The following NOX3 variants were observed in gnomAD, a reference collection of about 807,000 sequenced individuals.
NOX3 encodes the protein NADPH oxidase 3, also known as NADPH oxidase catalytic subunit-like 3.
NOX3 carries 74 observed loss-of-function variants against 76.7 expected under a neutral mutation model. That is an observed-to-expected ratio of 0.96 (90% CI 0.80 to 1.17). The LOEUF is 1.17. Ranked by LOEUF, NOX3 falls within the 50% of genes most tolerant of loss-of-function variation. NOX3 has a pLI of 0.00. For missense variants in NOX3, 695 were observed against 703.3 expected (o/e 0.99, Z 0.13); for synonymous variants, 263 against 261.1 (o/e 1.01, Z -0.07).
intron 10 of NOX3, among the ~76,000 whole-genome samples, chr6:155,414,970 C>T (rs532525419): frequency 6.6e-6 from 1 of 152,200 alleles, no homozygotes; most frequent in Admixed American, 6.5e-5. Flanking sequence ...TTTTGGGAGA[C>T]CACTCTGGGA....
chr6:155,415,319 G>A (rs540536386), intron 10 of NOX3, among the ~76,000 whole-genome samples: 3 of 152,178 alleles, frequency 2.0e-5, no homozygotes, highest in African/African-American at 7.2e-5. Context: ...TGAGAGCTCA[G>A]ACTCTCTAAT....
At chr6:155,454,972 A>G in intron 2 of NOX3, 51 bp from the exon 3 acceptor site, 1 of 1,575,292 alleles carries the variant, frequency 6.3e-7, no homozygotes, top group Non-Finnish European at 8.7e-7. Context: ...ACAAGGATCC[A>G]GGGAAAATAA....
intron 10 of NOX3, among the ~76,000 whole-genome samples, chr6:155,413,036 C>T (rs945771013): frequency 1.3e-5 from 2 of 152,138 alleles, no homozygotes; most frequent in African/African-American, 2.4e-5. Context: ...TGTTTTTGGC[C>T]TCTTGTGTTC....
At chr6:155,447,259 A>T (rs1777077025) in intron 4 of NOX3, among the ~76,000 whole-genome samples, 1 of 151,138 alleles carries the variant, frequency 6.6e-6, no homozygotes, top group African/African-American at 2.4e-5. Flanking sequence ...CTGGTCTCAA[A>T]CTCCTGAGCT....
chr6:155,417,488 G>C (rs557376827), intron 10 of NOX3, among the ~76,000 whole-genome samples: 1 of 152,134 alleles, frequency 6.6e-6, no homozygotes, highest in South Asian at 2.1e-4. Context: ...GGTCACTTCC[G>C]CACAGAGCAA....
At chr6:155,452,759 TG>T (rs2114711659) in intron 4 of NOX3, among the ~76,000 whole-genome samples, 1 of 152,196 alleles carries the variant, frequency 6.6e-6, no homozygotes, top group East Asian at 1.9e-4. Context: ...TTTATTTCAA[TG>T]TCTTTGTTTT....
At chr6:155,411,756 A>T (rs1203864337) in intron 10 of NOX3, among the ~76,000 whole-genome samples, 1 of 152,146 alleles carries the variant, frequency 6.6e-6, no homozygotes, top group Non-Finnish European at 1.5e-5. Flanking sequence ...TAAGCTCTGG[A>T]TTTGAACTTT....
chr6:155,413,745 T>C (rs1002555991), intron 10 of NOX3, among the ~76,000 whole-genome samples: 2 of 152,198 alleles, frequency 1.3e-5, no homozygotes, highest in African/African-American at 4.8e-5. Context: ...CTGGCCTTGG[T>C]AGCCTGTTTC....
chr6:155,412,117 C>T (rs1323549449), intron 10 of NOX3, among the ~76,000 whole-genome samples: 1 of 152,116 alleles, frequency 6.6e-6, no homozygotes, highest in Non-Finnish European at 1.5e-5. Context: ...TTAATTCTCC[C>T]ATTTTTCTCA....
chr6:155,443,261 G>T lies in NOX3; in HGVS notation c.486+12C>A. ...TTTCAGGGGAGAAGCTTGTTAGCAT[G>T]CAGGAACTCACTGTGGGGAAGGTCC... On this transcript the variant is annotated intron_variant, in intron 5 of 13. Transcript: ENST00000159060. 2 of 1,610,112 alleles carry T rather than the reference G, an allele frequency of 1.2e-6. No homozygotes were observed. Among genetic ancestry groups the T allele is most frequent in the Non-Finnish European group, 1.7e-6 (2 of 1,177,450 alleles).
At chr6:155,415,192 G>A (rs556796421) in intron 10 of NOX3, among the ~76,000 whole-genome samples, 2 of 152,276 alleles carry the variant, frequency 1.3e-5, no homozygotes, top group East Asian at 3.9e-4. Context: ...GAATTCTTCA[G>A]CAGCACATAG....
Position 155,430,371 on chromosome 6 carries a change from C to T in NOX3, c.891+472G>A, listed in dbSNP as rs74957572. On this transcript the variant is annotated intron_variant, in intron 8 of 13. Transcript: ENST00000159060. ...CATCCTTCATCTCCATTTTTCTTCC[C>T]CACAGTGGTCCCTCTTGCTCTGAAC... Among the ~76,000 whole-genome samples the T allele has an allele frequency of 4.7e-3, 713 of 152,154 alleles. 10 individuals carry two copies. Among genetic ancestry groups the T allele is most frequent in the African/African-American group, 0.016 (684 of 41,502 alleles).
intron 6 of NOX3, among the ~76,000 whole-genome samples, chr6:155,436,934 G>T (rs895491207): frequency 6.6e-6 from 1 of 152,172 alleles, no homozygotes; most frequent in African/African-American, 2.4e-5. Flanking sequence ...TGGTTCTTTT[G>T]CAGATTTATT....
At chr6:155,418,959 C>T (rs147365661) in intron 10 of NOX3, among the ~76,000 whole-genome samples, 18 of 152,342 alleles carry the variant, frequency 1.2e-4, no homozygotes, top group Non-Finnish European at 1.9e-4. Context: ...TGGCTCTCAA[C>T]GCCTATGCGA....
rs1470476305 is a variant in NOX3, at chr6:155,443,383, G to A, written c.376C>T (p.Arg126Cys). ...TCCTCGGACTGGCTCCAGTGGTAGC[G>A]TTCCAGGTTGAAGAAATGCGCCACG... ...HIVAHFFNLE[R>C]YHWSQSEEAQ... The change falls in exon 5 of 14, where the codon CGC (arginine) becomes TGC (cysteine). Residue 126 changes from arginine (R) to cysteine (C), a missense_variant. Arg to Cys is a radical substitution (Grantham distance 180). Coordinates refer to ENST00000159060, the MANE Select transcript of NOX3 (RefSeq NM_015718.3). 43 of 1,613,832 alleles carry A rather than the reference G, an allele frequency of 2.7e-5. 1 individual carries two copies. The highest frequency in any genetic ancestry group is 3.5e-5 in the Non-Finnish European group (41 of 1,179,920).
intron 6 of NOX3, among the ~76,000 whole-genome samples, chr6:155,437,687 T>A (rs556333294): frequency 6.6e-6 from 1 of 152,324 alleles, no homozygotes; most frequent in African/African-American, 2.4e-5. Context: ...CTTTAACACT[T>A]TCATTCTCAG....
intron 9 of NOX3, among the ~76,000 whole-genome samples, chr6:155,424,459 A>G (rs535370742): frequency 1.1e-4 from 17 of 152,380 alleles, no homozygotes; most frequent in African/African-American, 3.6e-4. Flanking sequence ...TTACATATGA[A>G]CAAAGATATG....
chr6:155,402,263 A>C (rs1779241725), intron 12 of NOX3, among the ~76,000 whole-genome samples: 1 of 152,192 alleles, frequency 6.6e-6, no homozygotes, highest in African/African-American at 2.4e-5. Flanking sequence ...TTGGGAGAAT[A>C]ATTTTTAATG....
intron 12 of NOX3, among the ~76,000 whole-genome samples, chr6:155,404,865 T>C (rs1045619168): frequency 5.3e-5 from 8 of 152,098 alleles, no homozygotes; most frequent in African/African-American, 1.9e-4. Flanking sequence ...CAGATGGTTA[T>C]GAATCTTGGA....
Sources: gnomAD v4.1 joint callset for allele counts (sites outside exome capture counted in the v4.1 genomes callset) on GRCh38, gnomAD v4.1.1 for gene constraint, MANE v1.5 for transcripts, NCBI Gene and HGNC (gene_info 2026-07-23, HGNC 2026-07-21) for gene names.